Variants in SENP1 observed in about 807,000 individuals in gnomAD.
The protein encoded by SENP1 is sentrin-specific protease 1.
In SENP1, 21 loss-of-function variants were observed where a neutral mutation model predicts 93.0. The observed-to-expected ratio is 0.23, with a 90% CI of 0.16 to 0.33. The LOEUF (loss-of-function observed/expected upper bound fraction) is 0.33, where lower values mean the gene tolerates loss of function less well. SENP1 is among the 10% of genes least tolerant of loss of function. SENP1 has a pLI of 1.00. For synonymous variants in SENP1, 256 were observed against 259.6 expected, an observed-to-expected ratio of 0.99 and a Z score of 0.13; for missense variants, 591 against 758.7, an observed-to-expected ratio of 0.78 and a Z score of 2.60.
intron 5 of SENP1, among the ~76,000 whole-genome samples, chr12:48,088,343 C>T (rs1185508672): frequency 6.6e-6 from 1 of 152,224 alleles, no homozygotes; most frequent in Admixed American, 6.5e-5. Context: ...GCACGAGTCA[C>T]CGTGCCCGGT....
intron 6 of SENP1, 46 bp from the exon 7 acceptor site, chr12:48,074,839 G>A (rs370603627): frequency 8.0e-7 from 1 of 1,249,076 alleles, no homozygotes; most frequent in South Asian, 1.3e-5. Context: ...CATCCAATAA[G>A]GCAAGTATTT....
At chr12:48,096,306 G>A (rs748156197) in intron 4 of SENP1, 37 bp downstream of exon 4, 2 of 1,189,468 alleles carry the variant, frequency 1.7e-6, no homozygotes, top group South Asian at 2.7e-5. Flanking sequence ...AAATCCAAAA[G>A]GTATAAAGTC....
intron 5 of SENP1, among the ~76,000 whole-genome samples, chr12:48,087,737 T>C (rs1443697916): frequency 6.6e-6 from 1 of 152,178 alleles, no homozygotes; most frequent in Non-Finnish European, 1.5e-5. Flanking sequence ...CAGGGAGTAT[T>C]GACACATTCC....
intron 2 of SENP1, 142 bp from the exon 3 acceptor site, chr12:48,098,266 G>T: frequency 1.3e-6 from 1 of 770,674 alleles, no homozygotes; most frequent in South Asian, 2.3e-5. Context: ...CTGAGAGGCT[G>T]AGGCAGGAGG....
intron 5 of SENP1, chr12:48,084,982 T>C (rs1387164721): frequency 7.3e-6 from 5 of 682,174 alleles, no homozygotes; most frequent in East Asian, 5.5e-5. Flanking sequence ...TTAAGTCTTC[T>C]TGGGTTTGTA....
chr12:48,104,135 C>T lies in SENP1; in HGVS notation c.-45+1893G>A, dbSNP rs181311491. 8.3e-4 allele frequency among the ~76,000 whole-genome samples: 125 copies of T among 151,514 alleles called. No homozygotes were observed. In the East Asian group the frequency reaches 0.019, roughly 23 times the overall value. ...CTGAGGCAGGAGAATCGCTTGAACC[C>T]GGGAGGCGGAGGTTGCAGTGAGACA... On this transcript the variant is annotated intron_variant, in intron 1 of 17. Transcript: ENST00000549518.
At position 48,065,186 on chromosome 12, in the gene SENP1, G is replaced by A; in HGVS notation, c.1154C>T (p.Ser385Leu). Residue 385 changes from serine (S) to leucine (L), a missense_variant, in exon 12 of 18, where the codon TCA (serine) becomes TTA (leucine). Physicochemically the swap from Ser to Leu is moderately radical, Grantham distance 145. Transcript: ENST00000549518. ...LQEREHSVHD[S>L]VELHLRVPLE... ...AGGTACACGAAGATGTAGTTCTACT[G>A]AATCATGTACTGAATGTTCCCGCTC... is the stretch of plus-strand genomic sequence containing the variant. 6.2e-7 allele frequency: 1 copy of A among 1,609,326 alleles called. No homozygotes were observed. Among genetic ancestry groups the A allele is most frequent in the Non-Finnish European group, 8.5e-7 (1 of 1,176,732 alleles).
At position 48,057,431 on chromosome 12, in the gene SENP1, T is replaced by A. The variant is rs867298336; in HGVS notation, c.1407+6279A>T. ...TTTTAGTAGAGACAGGGTTTCAGCA[T>A]GTTGGTCAGGCCGGTCTCAAGTTCC... On this transcript the variant is annotated intron_variant, in intron 13 of 17. Coordinates refer to ENST00000549518, the MANE Select transcript of SENP1 (RefSeq NM_001267594.2). Among the ~76,000 whole-genome samples, 5 of 148,290 alleles carry A rather than the reference T, an allele frequency of 3.4e-5. No individual in the cohort carries two copies. The East Asian group carries it at 9.7e-4, about 29-fold the overall frequency.
intron 9 of SENP1, among the ~76,000 whole-genome samples, chr12:48,070,375 A>G (rs535975953): frequency 6.6e-6 from 1 of 152,166 alleles, no homozygotes; most frequent in South Asian, 2.1e-4. Flanking sequence ...ATCCTACTCT[A>G]TATATTACCC....
intron 13 of SENP1, among the ~76,000 whole-genome samples, chr12:48,054,163 T>G (rs1216421501): frequency 2.0e-5 from 3 of 152,168 alleles, no homozygotes; most frequent in Admixed American, 2.0e-4. Flanking sequence ...GTTCCAGTCT[T>G]CTATATCCTT....
chr12:48,085,056 G>A lies in SENP1; in HGVS notation c.381-1294C>T, dbSNP rs1944757848. On this transcript the variant is annotated intron_variant, in intron 5 of 17. Coordinates refer to ENST00000549518, the MANE Select transcript of SENP1 (RefSeq NM_001267594.2). ...GCTCTGGGGTGAGCTCTGCCTGGCT[G>A]CAGGGATGGCGGGGAGAAGGAAGCT... 3.2e-6 allele frequency: 4 copies of A among 1,259,650 alleles called. No homozygotes were observed. In the African/African-American group the frequency reaches 5.9e-5, roughly 19 times the overall value. 78.0% of individuals were successfully genotyped at this position (1,259,650 alleles called of 1,614,324 possible). A position where few individuals can be genotyped will look rare whatever the true frequency, so the allele number is the denominator to read the frequency against.
At chr12:48,105,692 C>A (rs1946488646) in intron 1 of SENP1, 1 of 460,144 alleles carries the variant, frequency 2.2e-6, no homozygotes, top group African/African-American at 2.0e-5. Flanking sequence ...GGGAAAGCCC[C>A]GGAATCGCAA....
intron 4 of SENP1, among the ~76,000 whole-genome samples, chr12:48,093,444 C>T (rs556330047): frequency 1.3e-5 from 2 of 152,096 alleles, no homozygotes; most frequent in East Asian, 3.9e-4. Flanking sequence ...CCAACACACC[C>T]TGCTAATTTT....
In SENP1 at chr12:48,065,714, AC is replaced by A. The variant is rs751642935; in HGVS notation, c.1035-35del. On this transcript the variant is annotated intron_variant, in intron 10 of 17. Transcript: ENST00000549518. ...TGAAAAGGAACGTGACCAAATGTAGACCACTCTCATTATGAAACATATTGTT... is the reference window on the plus strand; with the variant it reads ...TGAAAAGGAACGTGACCAAATGTAGACACTCTCATTATGAAACATATTGTT... The A allele has an allele frequency of 1.2e-5, 16 of 1,315,452 alleles. No individual in the cohort carries two copies. The South Asian group carries it at 2.1e-4, about 17-fold the overall frequency. 81.5% of individuals were successfully genotyped at this position (1,315,452 alleles called of 1,614,324 possible). A position where few individuals can be genotyped will look rare whatever the true frequency, so the allele number is the denominator to read the frequency against.
chr12:48,050,840 T>A (rs940333248), intron 13 of SENP1, among the ~76,000 whole-genome samples: 1 of 152,148 alleles, frequency 6.6e-6, no homozygotes, highest in Non-Finnish European at 1.5e-5. Context: ...TCTTATAATG[T>A]TGGCCATGTT....
At chr12:48,094,058 AT>A (rs1555186703) in intron 4 of SENP1, among the ~76,000 whole-genome samples, 2 of 152,206 alleles carry the variant, frequency 1.3e-5, no homozygotes, top group Non-Finnish European at 2.9e-5. Context: ...ATCGGAAGAG[AT>A]CACAGAGACT....
At chr12:48,052,895 G>C (rs776698527) in intron 13 of SENP1, among the ~76,000 whole-genome samples, 8 of 152,138 alleles carry the variant, frequency 5.3e-5, no homozygotes, top group Non-Finnish European at 8.8e-5. Flanking sequence ...AGTTCTGATC[G>C]TTTTATTCTA....
In SENP1 at chr12:48,072,726, T is replaced by C. The variant is rs186615938; in HGVS notation, c.941-1005A>G. Among the ~76,000 whole-genome samples, 414 of 152,354 alleles carry C rather than the reference T, an allele frequency of 2.7e-3. 3 individuals carry two copies. Among genetic ancestry groups the C allele is most frequent in the African/African-American group, 9.0e-3 (375 of 41,592 alleles). On this transcript the variant is annotated intron_variant, in intron 8 of 17. Coordinates refer to ENST00000549518, the MANE Select transcript of SENP1 (RefSeq NM_001267594.2). Reference sequence around the variant, plus strand: ...AAAGTAACATCTTCATTACAGTATATTGTTATAATTTTTGTTATTAGTTAT... The same window carrying C: ...AAAGTAACATCTTCATTACAGTATACTGTTATAATTTTTGTTATTAGTTAT...
chr12:48,101,085 A>C (rs1383884702), intron 2 of SENP1, among the ~76,000 whole-genome samples: 1 of 152,210 alleles, frequency 6.6e-6, no homozygotes, highest in East Asian at 1.9e-4. Context: ...CAGGGGTTTG[A>C]GACCAGCCTG....
Sources: allele counts gnomAD v4.1 joint callset (sites outside exome capture counted in the v4.1 genomes callset), GRCh38; gene constraint gnomAD v4.1.1; transcripts MANE v1.5; gene names NCBI Gene and HGNC (gene_info 2026-07-23, HGNC 2026-07-21).